Variants in RANBP17 observed in about 807,000 individuals in gnomAD.
The protein encoded by RANBP17 is RAN binding protein 17.
Under a neutral mutation model 141.2 loss-of-function variants are expected in RANBP17, and 158 were observed. That is an observed-to-expected ratio of 1.12 (90% CI 0.98 to 1.28). RANBP17 has a LOEUF of 1.28. Ranked by LOEUF, RANBP17 falls within the 50% of genes most tolerant of loss-of-function variation. The pLI, the probability that RANBP17 is intolerant of heterozygous loss-of-function variation, is 0.00. For missense variants in RANBP17, 1,438 were observed against 1,290.7 expected, an observed-to-expected ratio of 1.11 and a Z score of -1.75; for synonymous variants, 430 against 450.0, an observed-to-expected ratio of 0.96 and a Z score of 0.56.
chr5:170,964,666 C>T (rs187500521), intron 13 of RANBP17, among the ~76,000 whole-genome samples: 19 of 151,752 alleles, frequency 1.3e-4, no homozygotes, highest in Middle Eastern at 3.4e-3. Flanking sequence ...TTTGTCCTTG[C>T]GATAGTTTAC....
intron 24 of RANBP17, 117 bp from the exon 25 acceptor site, chr5:171,265,564 A>G (rs17073483): frequency 0.017 from 16,052 of 961,596 alleles, 204 homozygotes; most frequent in Middle Eastern, 0.021. Context: ...AAGAACTTGC[A>G]ATTTGATAAA....
chr5:171,261,101 A>AAC (rs1766297361), intron 24 of RANBP17, among the ~76,000 whole-genome samples: 2 of 124,348 alleles, frequency 1.6e-5, no homozygotes, highest in African/African-American at 2.9e-5. Context: ...AAAAAAAAAA[A>AAC]CCAAAAGAAA....
intron 14 of RANBP17, among the ~76,000 whole-genome samples, chr5:170,998,368 G>A (rs1462580383): frequency 6.6e-6 from 1 of 152,122 alleles, no homozygotes; most frequent in African/African-American, 2.4e-5. Context: ...TGTAAAAGAC[G>A]TAGAAGCCAT....
chr5:171,168,491 C>G (rs1234112493), intron 14 of RANBP17, among the ~76,000 whole-genome samples: 1 of 152,104 alleles, frequency 6.6e-6, no homozygotes, highest in Non-Finnish European at 1.5e-5. Flanking sequence ...TTCCAAGGGA[C>G]CCAATTTGTA....
chr5:170,935,606 G>A (rs963433133), intron 12 of RANBP17, among the ~76,000 whole-genome samples: 1 of 152,186 alleles, frequency 6.6e-6, no homozygotes, highest in African/African-American at 2.4e-5. Flanking sequence ...GGTATCACCA[G>A]CTGAGGCTGC....
chr5:171,157,577 C>A (rs966987882), intron 14 of RANBP17, among the ~76,000 whole-genome samples: 2 of 152,184 alleles, frequency 1.3e-5, no homozygotes, highest in East Asian at 3.8e-4. Flanking sequence ...AATGTGGCAA[C>A]ATATTTGCTG....
intron 14 of RANBP17, among the ~76,000 whole-genome samples, chr5:171,053,916 T>TATATAC (rs1783156914): frequency 8.9e-6 from 1 of 112,676 alleles, no homozygotes; most frequent in Non-Finnish European, 1.8e-5. Flanking sequence ...TATATATATA[T>TATATAC]ATATATATAA....
intron 24 of RANBP17, 36 bp from the exon 25 acceptor site, chr5:171,265,645 G>A (rs1766621153): frequency 7.3e-6 from 11 of 1,500,958 alleles, no homozygotes; most frequent in Non-Finnish European, 8.1e-6. Flanking sequence ...AAAAACTTAA[G>A]TAATGCAAAT....
At chr5:171,281,572 C>G (rs1009216982) in intron 25 of RANBP17, among the ~76,000 whole-genome samples, 1 of 152,116 alleles carries the variant, frequency 6.6e-6, no homozygotes, top group Non-Finnish European at 1.5e-5. Context: ...GATCCAATTC[C>G]GTACCAATGG....
intron 25 of RANBP17, among the ~76,000 whole-genome samples, chr5:171,289,233 G>A (rs1484980122): frequency 6.6e-6 from 1 of 152,104 alleles, no homozygotes; most frequent in African/African-American, 2.4e-5. Context: ...TCATCACCCT[G>A]TACTCATTCA....
chr5:171,140,234 G>A (rs1015092780), intron 14 of RANBP17, among the ~76,000 whole-genome samples: 1 of 152,164 alleles, frequency 6.6e-6, no homozygotes, highest in Non-Finnish European at 1.5e-5. Flanking sequence ...AATAATGTTT[G>A]TGTGATTATT....
intron 14 of RANBP17, among the ~76,000 whole-genome samples, chr5:171,111,609 G>A (rs1755239360): frequency 6.6e-6 from 1 of 152,028 alleles, no homozygotes; most frequent in Non-Finnish European, 1.5e-5. Context: ...CCCAAAACAG[G>A]GGTTCTGAGC....
At chr5:171,270,139 A>T (rs558868608) in intron 25 of RANBP17, among the ~76,000 whole-genome samples, 1 of 152,312 alleles carries the variant, frequency 6.6e-6, no homozygotes, top group African/African-American at 2.4e-5. Context: ...TGTGTATAGC[A>T]GCCTGGGAAA....
intron 12 of RANBP17, among the ~76,000 whole-genome samples, chr5:170,933,032 A>C (rs970518219): frequency 6.6e-6 from 1 of 152,128 alleles, no homozygotes; most frequent in African/African-American, 2.4e-5. Flanking sequence ...CTGTGAATCC[A>C]TCTGGTCCTG....
chr5:171,095,772 CCA>C, intron 14 of RANBP17, among the ~76,000 whole-genome samples: 1 of 152,014 alleles, frequency 6.6e-6, no homozygotes, highest in Non-Finnish European at 1.5e-5. Context: ...CCCGACACAC[CCA>C]CACAGTCAAA....
chr5:170,940,532 A>G (rs376656263), intron 12 of RANBP17, among the ~76,000 whole-genome samples: 99 of 152,306 alleles, frequency 6.5e-4, no homozygotes, highest in African/African-American at 2.3e-3. Context: ...ATTTCAGATC[A>G]GGGGTACTCA....
chr5:171,175,725 A>G (rs1008537705), intron 16 of RANBP17, among the ~76,000 whole-genome samples: 2 of 152,170 alleles, frequency 1.3e-5, no homozygotes, highest in East Asian at 1.9e-4. Context: ...CAGAACCACA[A>G]TGAGATACCA....
At chr5:171,035,222 A>G (rs1288206092) in intron 14 of RANBP17, among the ~76,000 whole-genome samples, 1 of 152,148 alleles carries the variant, frequency 6.6e-6, no homozygotes, top group Admixed American at 6.5e-5. Flanking sequence ...AAAATATCCC[A>G]GGAACAGTGA....
chr5:171,272,149 A>G (rs1007001571), intron 25 of RANBP17, among the ~76,000 whole-genome samples: 5 of 152,178 alleles, frequency 3.3e-5, no homozygotes, highest in Non-Finnish European at 4.4e-5. Context: ...CATTGAGTAC[A>G]CATGGACATG....
Sources: allele counts gnomAD v4.1 joint callset (sites outside exome capture counted in the v4.1 genomes callset), GRCh38; gene constraint gnomAD v4.1.1; transcripts MANE v1.5; gene names NCBI Gene and HGNC (gene_info 2026-07-23, HGNC 2026-07-21).